CHPT1: variants seen among roughly 807,000 people sequenced by gnomAD.
CHPT1 encodes the protein choline phosphotransferase 1.
Under a neutral mutation model 47.6 loss-of-function variants are expected in CHPT1, and 36 were observed. The ratio of observed to expected loss-of-function variants is 0.76; its 90% CI spans 0.58 to 1.00. The LOEUF is 1.00. Among genes scored for constraint, CHPT1 ranks in the 50% least tolerant of loss-of-function variants. The probability of loss-of-function intolerance (pLI) is 0.00; values close to 1 mark genes in which losing one functional copy is unlikely to be tolerated. For missense variants in CHPT1, 458 were observed against 498.1 expected, an observed-to-expected ratio of 0.92 and a Z score of 0.77; for synonymous variants, 194 against 186.3, an observed-to-expected ratio of 1.04 and a Z score of -0.33.
chr12:101,719,156 G>GGA (rs1555262966), intron 4 of CHPT1, among the ~76,000 whole-genome samples: 3 of 95,042 alleles, frequency 3.2e-5, no homozygotes, highest in East Asian at 5.7e-4. Flanking sequence ...CTCGTCTCAA[G>GGA]AAAAAAAAAA....
chr12:101,701,448 T>C (rs577346987), intron 1 of CHPT1, among the ~76,000 whole-genome samples: 17 of 152,368 alleles, frequency 1.1e-4, no homozygotes, highest in African/African-American at 4.1e-4. Context: ...TATTCTTTCA[T>C]TGACTCCTCT....
In CHPT1 at chr12:101,711,573, C is replaced by T. The variant is rs575191079; in HGVS notation, c.274-2517C>T. ...AAGAGGCAGGTCAAAGGATACATTACAGCTTTGCAAGATGAGCAGGTCTAG... is the reference window on the plus strand; with the variant it reads ...AAGAGGCAGGTCAAAGGATACATTATAGCTTTGCAAGATGAGCAGGTCTAG... On this transcript the variant is annotated intron_variant, in intron 1 of 8. Coordinates refer to ENST00000229266, the MANE Select transcript of CHPT1 (RefSeq NM_020244.3). Among the ~76,000 whole-genome samples, 13 of 148,124 alleles carry T rather than the reference C, an allele frequency of 8.8e-5. 1 individual carries two copies. In the East Asian group the frequency reaches 1.7e-3, roughly 19 times the overall value.
intron 1 of CHPT1, among the ~76,000 whole-genome samples, chr12:101,706,821 TTAAC>T (rs1238272441): frequency 2.0e-5 from 3 of 152,258 alleles, no homozygotes; most frequent in Non-Finnish European, 2.9e-5. Context: ...TTTACTTTCA[TTAAC>T]TAAAGATGAT....
Position 101,697,930 on chromosome 12 carries a change from G to C in CHPT1, c.69G>C (p.Ala23=), listed in dbSNP as rs1203325315. 1 of 1,489,626 alleles carries C rather than the reference G, an allele frequency of 6.7e-7. No individual in the cohort carries two copies. The highest frequency in any genetic ancestry group is 8.9e-7 in the Non-Finnish European group (1 of 1,126,300). 92.3% of individuals were successfully genotyped at this position (1,489,626 alleles called of 1,614,324 possible). A position where few individuals can be genotyped will look rare whatever the true frequency, so the allele number is the denominator to read the frequency against. ...WLRALSEPLS[A]AQLRRLEEHR... ...GGGCGCTGAGCGAGCCGCTGAGCGC[G>C]GCGCAGCTGCGGCGACTGGAGGAGC... is the stretch of plus-strand genomic sequence containing the variant. The change falls in exon 1 of 9, where the codon GCG becomes GCC. Residue 23 remains alanine, a synonymous_variant. Transcript: ENST00000229266.
chr12:101,703,754 A>C (rs1951589329), intron 1 of CHPT1, among the ~76,000 whole-genome samples: 1 of 152,186 alleles, frequency 6.6e-6, no homozygotes, highest in African/African-American at 2.4e-5. Context: ...AGCACATCTT[A>C]GGCACTTATT....
At position 101,720,238 on chromosome 12, in the gene CHPT1, A is replaced by G. The variant is rs1416070823; in HGVS notation, c.764A>G (p.Asn255Ser). 6.2e-7 allele frequency: 1 copy of G among 1,603,008 alleles called. No homozygotes were observed. Among genetic ancestry groups the G allele is most frequent in the Non-Finnish European group, 8.5e-7 (1 of 1,175,030 alleles). The change falls in exon 5 of 9, where the codon AAT becomes AGT. Residue 255 changes from asparagine (N) to serine (S), a missense_variant. Coordinates refer to ENST00000229266, the MANE Select transcript of CHPT1 (RefSeq NM_020244.3). ...HVILHGGVGK[N>S]GSTIAGTSVL... Reference sequence around the variant, plus strand: ...ATCCTCCATGGTGGTGTTGGCAAGAATGGATCCACTATAGCAGTAAGGCAA... The same window carrying G: ...ATCCTCCATGGTGGTGTTGGCAAGAGTGGATCCACTATAGCAGTAAGGCAA...
At chr12:101,703,053 C>T (rs12369962) in intron 1 of CHPT1, among the ~76,000 whole-genome samples, 13,101 of 152,236 alleles carry the variant, frequency 0.086, 626 homozygotes, top group South Asian at 0.18. Flanking sequence ...AAAACTGTTT[C>T]TCCTTTCAAA....
chr12:101,726,215 T>C (rs1367263774), intron 7 of CHPT1, 79 bp from the exon 8 acceptor site: 4 of 923,756 alleles, frequency 4.3e-6, no homozygotes, highest in African/African-American at 1.7e-5. Context: ...GGTTTGATAT[T>C]TGGGGGAGAA....
At chr12:101,723,087 A>G in intron 5 of CHPT1, 81 bp from the exon 6 acceptor site, 1 of 1,334,236 alleles carries the variant, frequency 7.5e-7, no homozygotes, top group Admixed American at 1.8e-5. Context: ...CCTCTTGCAC[A>G]AAATAGATGG....
chr12:101,716,727 G>C lies in CHPT1; in HGVS notation c.564-1G>C, dbSNP rs1034918202. 1 of 1,593,006 alleles carries C rather than the reference G, an allele frequency of 6.3e-7. No homozygotes were observed. Among genetic ancestry groups the C allele is most frequent in the Non-Finnish European group, 8.6e-7 (1 of 1,169,542 alleles). On this transcript the variant is annotated splice_acceptor_variant, in intron 3 of 8. Transcript: ENST00000229266. LOFTEE classifies it high-confidence loss of function. ...ATCTATTCTTTGTCCTTCCTCTTTA[G>C]AGTGGATGTAACTGAAATTCAGATA...
intron 4 of CHPT1, among the ~76,000 whole-genome samples, chr12:101,719,119 T>C (rs1244115488): frequency 7.9e-6 from 1 of 127,332 alleles, no homozygotes; most frequent in African/African-American, 3.1e-5. Flanking sequence ...ATTGGGCCAC[T>C]GCACTCCAGC....
intron 7 of CHPT1, among the ~76,000 whole-genome samples, chr12:101,725,530 G>GT (rs1566044412): frequency 6.6e-6 from 1 of 151,586 alleles, no homozygotes; most frequent in African/African-American, 2.4e-5. Flanking sequence ...ATCATCTGTC[G>GT]TAACGAGTAA....
chr12:101,718,698 T>A (rs147084601), intron 4 of CHPT1, among the ~76,000 whole-genome samples: 34 of 151,850 alleles, frequency 2.2e-4, no homozygotes, highest in African/African-American at 7.2e-4. Flanking sequence ...CCCTGTAGCA[T>A]TTAGTATCAG....
chr12:101,697,755 C>G lies in CHPT1; in HGVS notation c.-107C>G, dbSNP rs1444799491. On this transcript the variant is annotated 5_prime_UTR_variant, in exon 1 of 9. Transcript: ENST00000229266. ...GTGCGGGCCCGACCGGTGAGTCCAGCCCGGCAGTCGCAGGACCCGGCCGCC... is the reference window on the plus strand; with the variant it reads ...GTGCGGGCCCGACCGGTGAGTCCAGGCCGGCAGTCGCAGGACCCGGCCGCC... 3.0e-5 allele frequency: 9 copies of G among 299,964 alleles called. No homozygotes were observed. Among genetic ancestry groups the G allele is most frequent in the Non-Finnish European group, 4.5e-5 (9 of 199,086 alleles). 18.6% of individuals were successfully genotyped at this position (299,964 alleles called of 1,614,324 possible).
chr12:101,724,786 G>C (rs1021740231), intron 7 of CHPT1, among the ~76,000 whole-genome samples: 6 of 152,076 alleles, frequency 3.9e-5, no homozygotes, highest in African/African-American at 1.4e-4. Flanking sequence ...ATAAAATACA[G>C]AATATAGTGC....
intron 1 of CHPT1, among the ~76,000 whole-genome samples, chr12:101,706,738 A>T (rs1238277802): frequency 6.6e-6 from 1 of 152,174 alleles, no homozygotes; most frequent in African/African-American, 2.4e-5. Flanking sequence ...CTCTTATTTG[A>T]AAAAATGGGA....
intron 1 of CHPT1, among the ~76,000 whole-genome samples, chr12:101,700,547 G>A (rs565148368): frequency 6.6e-6 from 1 of 152,336 alleles, no homozygotes; most frequent in South Asian, 2.1e-4. Context: ...AGTGTGAAGA[G>A]TGTAGCAGTT....
Position 101,698,142 on chromosome 12 carries a change from TG to T in CHPT1, c.273+10del. ...CCCACGGCCACCGAAGAGGTAGGGC[TG>T]GCCGATCGCCCGAGCCGGGCCCCAG... On this transcript the variant is annotated intron_variant, in intron 1 of 8. Transcript: ENST00000229266. 6.7e-7 allele frequency: 1 copy of T among 1,486,602 alleles called. No homozygotes were observed. The highest frequency in any genetic ancestry group is 8.9e-7 in the Non-Finnish European group (1 of 1,121,814). The allele number at this position is 1,486,602 out of a possible 1,614,324, so 92.1% of individuals were successfully genotyped here.
At position 101,716,713 on chromosome 12, in the gene CHPT1, G is replaced by T; in HGVS notation, c.564-15G>T. 1 of 1,549,984 alleles carries T rather than the reference G, an allele frequency of 6.5e-7. No homozygotes were observed. On this transcript the variant is annotated splice_polypyrimidine_tract_variant and intron_variant, in intron 3 of 8. Coordinates refer to ENST00000229266, the MANE Select transcript of CHPT1 (RefSeq NM_020244.3). ...TTTACAAACACCTTATCTATTCTTT[G>T]TCCTTCCTCTTTAGAGTGGATGTAA...
Sources: gnomAD v4.1 joint callset for allele counts (sites outside exome capture counted in the v4.1 genomes callset) on GRCh38, gnomAD v4.1.1 for gene constraint, MANE v1.5 for transcripts, NCBI Gene and HGNC (gene_info 2026-07-23, HGNC 2026-07-21) for gene names.